TG: variants seen among roughly 807,000 people sequenced by gnomAD.
TG encodes the protein thyroglobulin, also known as thyroid hormones.
A neutral mutation model predicts 324.7 loss-of-function variants in TG; 270 were observed. That is an observed-to-expected ratio of 0.83 (90% CI 0.75 to 0.92). The LOEUF (loss-of-function observed/expected upper bound fraction) is 0.92. TG is among the 40% of genes least tolerant of loss of function. TG has a pLI of 0.00. For synonymous variants in TG, 1,401 were observed against 1,327.0 expected, an observed-to-expected ratio of 1.06 and a Z score of -1.21; for missense variants, 3,591 against 3,456.4, an observed-to-expected ratio of 1.04 and a Z score of -0.98.
Position 132,912,960 on chromosome 8 carries a change from A to G in TG, c.4160-87A>G, listed in dbSNP as rs908295388. 34 of 1,240,552 alleles carry G rather than the reference A, an allele frequency of 2.7e-5. No homozygotes were observed. In the African/African-American group the frequency reaches 4.9e-4, roughly 18 times the overall value. 76.8% of individuals were successfully genotyped at this position (1,240,552 alleles called of 1,614,324 possible). On this transcript the variant is annotated intron_variant, in intron 19 of 47. Transcript: ENST00000220616. The stretch of plus-strand genomic sequence containing the variant: ...GCCTATGTCTCATTCCAGTCTGGAT[A>G]TTCTAGGCATCTCTGCCCTGCTTAA...
intron 3 of TG, among the ~76,000 whole-genome samples, chr8:132,871,011 G>A (rs1032672481): frequency 2.6e-5 from 4 of 152,272 alleles, no homozygotes; most frequent in South Asian, 2.1e-4. Context: ...TGGTGAAGCA[G>A]CTTCCCCAGG....
intron 35 of TG, among the ~76,000 whole-genome samples, chr8:133,004,112 T>G (rs1833811354): frequency 6.6e-6 from 1 of 152,216 alleles, no homozygotes; most frequent in Admixed American, 6.5e-5. Flanking sequence ...TGAGTCTCTC[T>G]TCCTTCAGGG....
chr8:133,030,484 T>A (rs1836533764), intron 41 of TG, among the ~76,000 whole-genome samples: 1 of 152,148 alleles, frequency 6.6e-6, no homozygotes, highest in Non-Finnish European at 1.5e-5. Context: ...ATAATGACAA[T>A]AATTATGATG....
At chr8:132,944,419 T>TC (rs1290088634) in intron 26 of TG, among the ~76,000 whole-genome samples, 1 of 152,194 alleles carries the variant, frequency 6.6e-6, no homozygotes, top group Non-Finnish European at 1.5e-5. Context: ...TACTATTTTG[T>TC]CCCTTCTTTT....
At chr8:133,067,914 GGAA>G (rs1843319195) in intron 41 of TG, among the ~76,000 whole-genome samples, 1 of 20,808 alleles carries the variant, frequency 4.8e-5, no homozygotes, top group Non-Finnish European at 2.0e-4. Flanking sequence ...AAGGAAGGAA[GGAA>G]AGAGAGAGAG....
At chr8:132,991,216 C>G (rs1489580308) in intron 35 of TG, among the ~76,000 whole-genome samples, 1 of 152,074 alleles carries the variant, frequency 6.6e-6, no homozygotes, top group African/African-American at 2.4e-5. Context: ...ATGTAGAGCC[C>G]TGCAGTCCTG....
At chr8:132,998,995 A>G (rs1361412579) in intron 35 of TG, among the ~76,000 whole-genome samples, 1 of 152,192 alleles carries the variant, frequency 6.6e-6, no homozygotes, top group African/African-American at 2.4e-5. Context: ...GTTAAGGATG[A>G]TGAGAAGGAC....
At chr8:132,966,457 T>TCC (rs1491441021) in intron 29 of TG, 103 bp from the exon 30 acceptor site, 3 of 596,860 alleles carry the variant, frequency 5.0e-6, no homozygotes, top group Non-Finnish European at 2.2e-6. Context: ...TCTCTCTCTG[T>TCC]CTCTCTCTCT....
chr8:133,040,310 G>A, intron 41 of TG: 1 of 653,754 alleles, frequency 1.5e-6, no homozygotes, highest in Non-Finnish European at 2.6e-6. Flanking sequence ...CCAGCTGTTT[G>A]AGAAATGTAA....
At chr8:133,091,359 A>T in intron 41 of TG, among the ~76,000 whole-genome samples, 1 of 152,316 alleles carries the variant, frequency 6.6e-6, no homozygotes, top group Middle Eastern at 3.4e-3. Flanking sequence ...TGAGAAGTGC[A>T]AGGCGTGCCA....
intron 45 of TG, among the ~76,000 whole-genome samples, chr8:133,119,997 G>A (rs1851013823): frequency 6.6e-6 from 1 of 152,242 alleles, no homozygotes; most frequent in African/African-American, 2.4e-5. Context: ...TTTGGGTGGA[G>A]ATGAAGGTGC....
chr8:132,883,294 A>G (rs1432746600), intron 8 of TG: 26 of 413,192 alleles, frequency 6.3e-5, no homozygotes, highest in Non-Finnish European at 9.4e-5. Flanking sequence ...GAGCATGCAC[A>G]TAACTAAAGG....
At chr8:132,868,011 T>G (rs1839128230) in intron 1 of TG, 104 bp from the exon 2 acceptor site, 2 of 998,162 alleles carry the variant, frequency 2.0e-6, no homozygotes, top group African/African-American at 3.2e-5. Flanking sequence ...CTGTCATAGG[T>G]AATGATGATG....
intron 34 of TG, among the ~76,000 whole-genome samples, chr8:132,982,622 T>C (rs922056839): frequency 1.3e-5 from 2 of 152,332 alleles, no homozygotes; most frequent in Admixed American, 6.5e-5. Flanking sequence ...GCCACCATGC[T>C]GTGCTGCTTG....
intron 43 of TG, chr8:133,106,315 G>A (rs1849801893): frequency 1.0e-5 from 8 of 767,704 alleles, no homozygotes; most frequent in Non-Finnish European, 1.3e-5. Flanking sequence ...GCAGCGCTGA[G>A]GGGCCAGTCG....
intron 22 of TG, among the ~76,000 whole-genome samples, chr8:132,924,656 G>A (rs1449462932): frequency 1.3e-5 from 2 of 152,204 alleles, no homozygotes. Context: ...AGGAACAGAA[G>A]AGAAGAGTAT....
chr8:133,018,769 C>A (rs185134836), intron 38 of TG, among the ~76,000 whole-genome samples: 2 of 152,242 alleles, frequency 1.3e-5, no homozygotes, highest in Admixed American at 1.3e-4. Context: ...TATCCTCAGG[C>A]AGCTGCAACC....
intron 40 of TG, among the ~76,000 whole-genome samples, chr8:133,023,867 C>T (rs965886168): frequency 2.0e-5 from 3 of 152,166 alleles, no homozygotes; most frequent in Non-Finnish European, 2.9e-5. Flanking sequence ...TTTTGGCTGC[C>T]GGCAGGGGCA....
chr8:133,102,664 T>A, intron 43 of TG: 1 of 1,121,096 alleles, frequency 8.9e-7, no homozygotes, highest in African/African-American at 1.5e-5. Context: ...CATGGGGAAT[T>A]TCTCCCCCTT....
Sources: allele counts gnomAD v4.1 joint callset (sites outside exome capture counted in the v4.1 genomes callset), GRCh38; gene constraint gnomAD v4.1.1; transcripts MANE v1.5; gene names NCBI Gene and HGNC (gene_info 2026-07-23, HGNC 2026-07-21).